ADAMTS3: variants seen among roughly 807,000 people sequenced by gnomAD.
ADAMTS3 encodes A disintegrin and metalloproteinase with thrombospondin motifs 3.
In ADAMTS3, 73 loss-of-function variants were observed where a neutral mutation model predicts 129.0. The observed-to-expected ratio is 0.57, with a 90% confidence interval of 0.47 to 0.69. The LOEUF (loss-of-function observed/expected upper bound fraction) is 0.69. Ranked by LOEUF, ADAMTS3 falls within the 30% of genes least tolerant of loss-of-function variation. ADAMTS3 has a pLI of 0.00. For synonymous variants in ADAMTS3, 477 were observed against 510.8 expected, an observed-to-expected ratio of 0.93 and a Z score of 0.89; for missense variants, 1,457 against 1,514.5, an observed-to-expected ratio of 0.96 and a Z score of 0.63.
intron 1 of ADAMTS3, among the ~76,000 whole-genome samples, chr4:72,568,227 T>C (rs960751936): frequency 1.3e-4 from 19 of 151,954 alleles, no homozygotes; most frequent in Non-Finnish European, 2.5e-4. Flanking sequence ...AACCCCCGCC[T>C]CCGGCTGCCC....
intron 5 of ADAMTS3, among the ~76,000 whole-genome samples, chr4:72,338,675 G>A (rs977075181): frequency 6.6e-6 from 1 of 151,766 alleles, no homozygotes; most frequent in Non-Finnish European, 1.5e-5. Context: ...GAGAGATAGG[G>A]AAATAAAACA....
chr4:72,328,528 G>T (rs1719755345), intron 5 of ADAMTS3, among the ~76,000 whole-genome samples: 1 of 152,098 alleles, frequency 6.6e-6, no homozygotes, highest in Non-Finnish European at 1.5e-5. Flanking sequence ...GCGTCAGACT[G>T]CCTGGATTCA....
chr4:72,289,182 A>G, intron 20 of ADAMTS3, among the ~76,000 whole-genome samples: 1 of 152,188 alleles, frequency 6.6e-6, no homozygotes, highest in East Asian at 1.9e-4. Context: ...AGGCAAAGGA[A>G]CAAAGTGTAT....
chr4:72,401,491 G>T (rs1449938117), intron 4 of ADAMTS3, among the ~76,000 whole-genome samples: 5 of 149,760 alleles, frequency 3.3e-5, no homozygotes, highest in Admixed American at 6.6e-5. Context: ...CACTTGAACT[G>T]GGGGGGTGGA....
At chr4:72,548,099 A>G (rs1436742820) in intron 3 of ADAMTS3, among the ~76,000 whole-genome samples, 2 of 152,224 alleles carry the variant, frequency 1.3e-5, no homozygotes, top group Non-Finnish European at 2.9e-5. Flanking sequence ...CAAAGTTTCC[A>G]CATAAGGAGT....
At chr4:72,496,094 A>G (rs1213536203) in intron 3 of ADAMTS3, among the ~76,000 whole-genome samples, 1 of 152,150 alleles carries the variant, frequency 6.6e-6, no homozygotes, top group Non-Finnish European at 1.5e-5. Context: ...AAATTATTAG[A>G]CTTTTCTCAG....
chr4:72,386,657 GC>G (rs2109886894), intron 4 of ADAMTS3, among the ~76,000 whole-genome samples: 1 of 152,170 alleles, frequency 6.6e-6, no homozygotes, highest in South Asian at 2.1e-4. Context: ...AACACACAGA[GC>G]ACCATTGCAT....
At position 72,569,007 on chromosome 4, in the gene ADAMTS3, G is replaced by A. The variant is rs770120038; in HGVS notation, c.-245C>T. ...CCGTCCTCCCAACACAGAGTGTGCA[G>A]GAGCGAGAAGGTGCTGTAAGCGGGC... On this transcript the variant is annotated 5_prime_UTR_variant, in exon 1 of 22. Coordinates refer to ENST00000286657, the MANE Select transcript of ADAMTS3 (RefSeq NM_014243.3). 5 of 562,872 alleles carry A rather than the reference G, an allele frequency of 8.9e-6. No individual in the cohort carries two copies. The highest frequency in any genetic ancestry group is 3.0e-5 in the East Asian group (1 of 33,266). 34.9% of individuals were successfully genotyped at this position (562,872 alleles called of 1,614,324 possible).
At chr4:72,477,504 A>G (rs903347429) in intron 3 of ADAMTS3, among the ~76,000 whole-genome samples, 3 of 152,162 alleles carry the variant, frequency 2.0e-5, no homozygotes, top group African/African-American at 7.2e-5. Context: ...GAGAAAAAAG[A>G]CACAACATAC....
intron 3 of ADAMTS3, among the ~76,000 whole-genome samples, chr4:72,445,321 A>G (rs926842979): frequency 2.6e-5 from 4 of 151,698 alleles, no homozygotes; most frequent in Admixed American, 2.6e-4. Flanking sequence ...ATCTGAGAGG[A>G]TACAGAGAAA....
chr4:72,500,982 T>C (rs1720003814), intron 3 of ADAMTS3, among the ~76,000 whole-genome samples: 2 of 152,224 alleles, frequency 1.3e-5, no homozygotes, highest in African/African-American at 2.4e-5. Context: ...TTGTCTGTTT[T>C]TGTGCATGTA....
At chr4:72,352,895 G>C (rs991565472) in intron 4 of ADAMTS3, among the ~76,000 whole-genome samples, 1 of 152,014 alleles carries the variant, frequency 6.6e-6, no homozygotes, top group African/African-American at 2.4e-5. Context: ...ACTGGGAAAT[G>C]CGGTTACTAA....
chr4:72,498,226 C>G (rs143101163), intron 3 of ADAMTS3, among the ~76,000 whole-genome samples: 1 of 151,978 alleles, frequency 6.6e-6, no homozygotes, highest in East Asian at 1.9e-4. Context: ...ATTTCTGCAC[C>G]GCATTCTGGT....
At chr4:72,528,442 A>G (rs1489913070) in intron 3 of ADAMTS3, among the ~76,000 whole-genome samples, 4 of 151,556 alleles carry the variant, frequency 2.6e-5, no homozygotes, top group South Asian at 4.2e-4. Context: ...TTATCATTCT[A>G]TGGTGTATAC....
chr4:72,533,606 C>G (rs1398508623), intron 3 of ADAMTS3, among the ~76,000 whole-genome samples: 1 of 151,826 alleles, frequency 6.6e-6, no homozygotes, highest in Non-Finnish European at 1.5e-5. Context: ...TACACATATG[C>G]ACATATGTAT....
At chr4:72,394,547 C>A (rs1721677106) in intron 4 of ADAMTS3, among the ~76,000 whole-genome samples, 1 of 152,204 alleles carries the variant, frequency 6.6e-6, no homozygotes, top group South Asian at 2.1e-4. Flanking sequence ...CCACTGTTGG[C>A]TGAGATAATG....
At chr4:72,408,110 T>C (rs1285409610) in intron 4 of ADAMTS3, among the ~76,000 whole-genome samples, 2 of 152,306 alleles carry the variant, frequency 1.3e-5, no homozygotes, top group Admixed American at 6.5e-5. Context: ...TAAAGGAGCA[T>C]TTGTTTTAGC....
chr4:72,547,186 C>A (rs1428036349), intron 3 of ADAMTS3, among the ~76,000 whole-genome samples: 1 of 152,102 alleles, frequency 6.6e-6, no homozygotes, highest in Non-Finnish European at 1.5e-5. Flanking sequence ...TTGAATATCT[C>A]AATAATTCTT....
chr4:72,317,449 C>A (rs187254152), intron 10 of ADAMTS3, among the ~76,000 whole-genome samples: 2 of 148,506 alleles, frequency 1.3e-5, no homozygotes, highest in Admixed American at 1.3e-4. Context: ...AAAGCTTGCT[C>A]CAACATAGAA....
Sources: gnomAD v4.1 joint callset for allele counts (sites outside exome capture counted in the v4.1 genomes callset) on GRCh38, gnomAD v4.1.1 for gene constraint, MANE v1.5 for transcripts, NCBI Gene and HGNC (gene_info 2026-07-23, HGNC 2026-07-21) for gene names.